SYN3: variants seen among roughly 807,000 people sequenced by gnomAD.
SYN3 encodes the protein synapsin-3.
In SYN3, 35 loss-of-function variants were observed where a neutral mutation model predicts 65.8. That is an observed-to-expected ratio of 0.53 (90% CI 0.41 to 0.70). SYN3 has a LOEUF of 0.70. Ranked by LOEUF, SYN3 falls within the 30% of genes least tolerant of loss-of-function variation. SYN3 has a pLI of 0.00. For synonymous variants in SYN3, 270 were observed against 292.9 expected (o/e 0.92, Z 0.80); for missense variants, 680 against 749.0 (o/e 0.91, Z 1.08).
At chr22:33,024,058 C>T (rs1268446198) in intron 1 of SYN3, among the ~76,000 whole-genome samples, 5 of 152,172 alleles carry the variant, frequency 3.3e-5, no homozygotes, top group Non-Finnish European at 1.5e-5. Flanking sequence ...GGCACTCTCT[C>T]AATGACAGCT....
intron 3 of SYN3, among the ~76,000 whole-genome samples, chr22:32,978,183 G>A (rs1569372432): frequency 6.6e-6 from 1 of 152,164 alleles, no homozygotes; most frequent in South Asian, 2.1e-4. Context: ...GAGGAAGACT[G>A]GACGAGAGTT....
chr22:33,005,660 C>T (rs1182755742), intron 2 of SYN3, among the ~76,000 whole-genome samples: 1 of 152,194 alleles, frequency 6.6e-6, no homozygotes, highest in Non-Finnish European at 1.5e-5. Flanking sequence ...TCATTTCTGC[C>T]CACCTTTGGT....
chr22:33,050,750 AT>A (rs2145973042), intron 1 of SYN3, among the ~76,000 whole-genome samples: 1 of 152,280 alleles, frequency 6.6e-6, no homozygotes, highest in South Asian at 2.1e-4. Flanking sequence ...CCCTCAGTAC[AT>A]CTGCCTGCAC....
chr22:32,513,637 G>A lies in SYN3; in HGVS notation c.*55C>T, dbSNP rs2057720643. ...GAACCAAGGCTGAGAAGGAAGATGA[G>A]GCAGGAGGGGGACGAGTGTAGCAGA... On this transcript the variant is annotated 3_prime_UTR_variant, in exon 14 of 14. Coordinates refer to ENST00000358763, the MANE Select transcript of SYN3 (RefSeq NM_003490.4). 1 of 1,595,366 alleles carries A rather than the reference G, an allele frequency of 6.3e-7. No homozygotes were observed. Among genetic ancestry groups the A allele is most frequent in the African/African-American group, 1.3e-5 (1 of 74,684 alleles).
chr22:32,597,018 C>T lies in SYN3; in HGVS notation c.712-282G>A, dbSNP rs1310953892. Among the ~76,000 whole-genome samples the T allele has an allele frequency of 2.6e-5, 4 of 152,114 alleles. No individual in the cohort carries two copies. In the East Asian group the frequency reaches 7.7e-4, roughly 29 times the overall value. The stretch of plus-strand genomic sequence containing the variant: ...CAAACCAACTGGTTTCCAATCTTGG[C>T]TTTACCGCTGTGCAACTTCAGGCAA... On this transcript the variant is annotated intron_variant, in intron 6 of 13. Transcript: ENST00000358763.
Position 32,634,935 on chromosome 22 carries a change from C to CTTT in SYN3, c.712-38202_712-38200dup, listed in dbSNP as rs10683651. The stretch of plus-strand genomic sequence containing the variant: ...AAACATTATGAGATTTTTTTTGCAA[C>CTTT]TTTTTTTTTTTTAGCTCATCAGCTA... On this transcript the variant is annotated intron_variant, in intron 6 of 13. Transcript: ENST00000358763. Among the ~76,000 whole-genome samples the CTTT allele has an allele frequency of 6.8e-3, 1,009 of 147,598 alleles. 12 individuals are homozygous for CTTT. Among genetic ancestry groups the CTTT allele is most frequent in the African/African-American group, 0.024 (977 of 40,554 alleles).
chr22:32,710,345 T>C (rs1315875892), intron 6 of SYN3, among the ~76,000 whole-genome samples: 1 of 151,308 alleles, frequency 6.6e-6, no homozygotes, highest in Non-Finnish European at 1.5e-5. Context: ...TGTTTAAAAG[T>C]GTGGGCTGGG....
chr22:32,841,411 G>C (rs1483561523), intron 6 of SYN3, among the ~76,000 whole-genome samples: 1 of 152,178 alleles, frequency 6.6e-6, no homozygotes, highest in Admixed American at 6.5e-5. Context: ...AAGAAAGAGT[G>C]TTCCAGCAGA....
chr22:32,599,815 T>C (rs965908735), intron 6 of SYN3, among the ~76,000 whole-genome samples: 1 of 152,162 alleles, frequency 6.6e-6, no homozygotes. Flanking sequence ...CTTGTGCTGG[T>C]TGGGGCACAC....
At chr22:32,582,937 C>T (rs2058970746) in intron 7 of SYN3, among the ~76,000 whole-genome samples, 1 of 152,182 alleles carries the variant, frequency 6.6e-6, no homozygotes, top group East Asian at 1.9e-4. Flanking sequence ...CCACTCTTTT[C>T]TAGGAGTGTC....
intron 6 of SYN3, among the ~76,000 whole-genome samples, chr22:32,841,229 C>T (rs1218390917): frequency 6.6e-6 from 1 of 152,142 alleles, no homozygotes; most frequent in Non-Finnish European, 1.5e-5. Context: ...AACCTGCTGC[C>T]CGGGGAGGCT....
intron 6 of SYN3, among the ~76,000 whole-genome samples, chr22:32,847,317 G>A (rs1478351121): frequency 6.6e-6 from 1 of 152,226 alleles, no homozygotes; most frequent in African/African-American, 2.4e-5. Context: ...AACAGAGGTG[G>A]ATGCAGGATC....
chr22:32,525,113 AC>A (rs130450), intron 12 of SYN3, among the ~76,000 whole-genome samples: 11,896 of 152,306 alleles, frequency 0.078, 624 homozygotes, highest in Non-Finnish European at 0.12. Context: ...GAAATGATTT[AC>A]CTTTCTAGAT....
At chr22:32,753,125 C>T (rs538988814) in intron 6 of SYN3, among the ~76,000 whole-genome samples, 1 of 152,252 alleles carries the variant, frequency 6.6e-6, no homozygotes, top group East Asian at 1.9e-4. Context: ...GTTCCATCAG[C>T]AGCACTGCCC....
At chr22:32,642,485 G>A (rs1195458619) in intron 6 of SYN3, among the ~76,000 whole-genome samples, 1 of 151,096 alleles carries the variant, frequency 6.6e-6, no homozygotes, top group Non-Finnish European at 1.5e-5. Flanking sequence ...CTGTCGCCCA[G>A]GCTGGAGTGC....
chr22:32,848,434 A>T (rs5754312), intron 6 of SYN3, among the ~76,000 whole-genome samples: 78,584 of 152,000 alleles, frequency 0.52, 21,353 homozygotes, highest in African/African-American at 0.69. Flanking sequence ...TTGGTCTGTT[A>T]CCTTATCTAG....
rs545066627 is a variant in SYN3 at position 33,033,094 on chromosome 22, C to T, written c.-163+25198G>A. On this transcript the variant is annotated intron_variant, in intron 1 of 13. Coordinates refer to ENST00000358763, the MANE Select transcript of SYN3 (RefSeq NM_003490.4). ...ATGGTGTGACCTCAGCTCACTGCAA[C>T]CTCGGCCTCCCAAGTAGCTGGGACT... Among the ~76,000 whole-genome samples, 426 of 148,938 alleles carry T rather than the reference C, an allele frequency of 2.9e-3. 1 individual carries two copies. The highest frequency in any genetic ancestry group is 0.01 in the African/African-American group (416 of 41,014).
At position 32,538,054 on chromosome 22, in the gene SYN3, T is replaced by G; in HGVS notation, c.974A>C (p.Gln325Pro). ...KANTGSAMLE[Q>P]VAMTERYRLW... Reference sequence around the variant, plus strand: ...CTCTTACCTCTCTGTCATGGCCACCTGCTCCAGCATGGCAGAGCCTGTGTT... The same window carrying G: ...CTCTTACCTCTCTGTCATGGCCACCGGCTCCAGCATGGCAGAGCCTGTGTT... The change falls in exon 9 of 14, where the codon CAG (glutamine) becomes CCG (proline). Residue 325 changes from glutamine to proline, a missense_variant. Transcript: ENST00000358763. 6 of 1,614,202 alleles carry G rather than the reference T, an allele frequency of 3.7e-6. No individual in the cohort carries two copies. The highest frequency in any genetic ancestry group is 5.1e-6 in the Non-Finnish European group (6 of 1,180,024).
chr22:32,867,415 G>A (rs1045995624), intron 5 of SYN3, among the ~76,000 whole-genome samples: 3 of 152,172 alleles, frequency 2.0e-5, no homozygotes, highest in African/African-American at 7.2e-5. Flanking sequence ...ACAGCACCTG[G>A]AACACAGTAA....
Sources: allele counts gnomAD v4.1 joint callset (sites outside exome capture counted in the v4.1 genomes callset), GRCh38; gene constraint gnomAD v4.1.1; transcripts MANE v1.5; gene names NCBI Gene and HGNC (gene_info 2026-07-23, HGNC 2026-07-21).